The following NCOA6 variants were observed in gnomAD, a reference collection of about 807,000 sequenced individuals.
NCOA6 encodes the protein NRC RAP250.
In NCOA6, 49 loss-of-function variants were observed where a neutral mutation model predicts 171.4. The observed-to-expected ratio is 0.29, with a 90% CI of 0.23 to 0.36. The LOEUF is 0.36. Ranked by LOEUF, NCOA6 falls within the 10% of genes least tolerant of loss-of-function variation. NCOA6 has a pLI of 1.00. For synonymous variants in NCOA6, 910 were observed against 927.5 expected, an observed-to-expected ratio of 0.98 and a Z score of 0.34; for missense variants, 2,248 against 2,554.5, an observed-to-expected ratio of 0.88 and a Z score of 2.59.
intron 2 of NCOA6, 123 bp from the exon 3 acceptor site, chr20:34,782,527 TAC>T (rs2077541059): frequency 1.1e-5 from 3 of 274,796 alleles, no homozygotes; most frequent in African/African-American, 2.2e-5. Flanking sequence ...ATTAAGAAAT[TAC>T]AGAGAAGATA....
At chr20:34,802,699 G>A (rs530941170) in intron 1 of NCOA6, among the ~76,000 whole-genome samples, 71 of 152,240 alleles carry the variant, frequency 4.7e-4, no homozygotes, top group African/African-American at 1.6e-3. Context: ...TGAACTGTTC[G>A]AAACAACTAA....
intron 5 of NCOA6, among the ~76,000 whole-genome samples, chr20:34,764,166 C>A (rs2076904388): frequency 6.6e-6 from 1 of 151,716 alleles, no homozygotes; most frequent in East Asian, 2.0e-4. Context: ...CGGCTCACTG[C>A]AAGCTCCGCC....
chr20:34,782,075 A>G (rs2077529222), intron 3 of NCOA6, 46 bp downstream of exon 3: 4 of 1,353,328 alleles, frequency 3.0e-6, no homozygotes, highest in Non-Finnish European at 4.1e-6. Flanking sequence ...AAGGGCAAAC[A>G]TTTCAAAAAC....
chr20:34,743,323 A>T lies in NCOA6; in HGVS notation c.2933T>A (p.Val978Asp), dbSNP rs1305846790. 6.2e-7 allele frequency: 1 copy of T among 1,607,228 alleles called. No homozygotes were observed. The highest frequency in any genetic ancestry group is 2.2e-5 in the East Asian group (1 of 44,700). The stretch of plus-strand genomic sequence containing the variant: ...CATCTGCTGAAGTGGCCTCTGTTCA[A>T]CTGGTTGAGAAGGATAACCTAAAAC... ...NRPPGYPSQPVEQRPLQQMPP... is the reference protein window; with the variant it reads ...NRPPGYPSQPDEQRPLQQMPP... Residue 978 changes from valine (V) to aspartate (D), a missense_variant, in exon 11 of 15, where the codon GTT becomes GAT. Val to Asp is a radical substitution (Grantham distance 152). Around this residue, in one of 7 missense-constraint regions of NCOA6, gnomAD observed 352 missense variants for 419.1 expected, o/e 0.84. Transcript: ENST00000359003.
chr20:34,783,959 CTTTA>C (rs11469032), intron 2 of NCOA6, among the ~76,000 whole-genome samples: 73,389 of 151,278 alleles, frequency 0.49, 18,158 homozygotes, highest in East Asian at 0.63. Context: ...CATGTCCAGC[CTTTA>C]TTTATGGCAC....
intron 13 of NCOA6, among the ~76,000 whole-genome samples, chr20:34,728,992 C>T (rs1188315885): frequency 6.6e-6 from 1 of 152,122 alleles, no homozygotes; most frequent in Non-Finnish European, 1.5e-5. Flanking sequence ...GCTCTGTGCC[C>T]CAGGCTGGAG....
At position 34,740,396 on chromosome 20, in the gene NCOA6, CCTT is replaced by C. The variant is rs1265514220; in HGVS notation, c.5857_5859del (p.Lys1953del). On this transcript the variant is annotated inframe_deletion, in exon 11 of 15. Coordinates refer to ENST00000359003, the MANE Select transcript of NCOA6 (RefSeq NM_014071.5). ...GGTAGAAGTTCTGGATGGGATCCCA[CCTT>C]CTCCTCCACTAGGCCACCCGCAAGT... 3 of 1,614,156 alleles carry C rather than the reference CCTT, an allele frequency of 1.9e-6. No homozygotes were observed. The highest frequency in any genetic ancestry group is 2.2e-5 in the South Asian group (2 of 91,084).
At chr20:34,760,382 C>T (rs961269053) in intron 5 of NCOA6, among the ~76,000 whole-genome samples, 4 of 152,302 alleles carry the variant, frequency 2.6e-5, no homozygotes, top group African/African-American at 9.6e-5. Flanking sequence ...CCAAAGCACA[C>T]TTTTAGGAAT....
chr20:34,779,732 TAGAGG>T (rs1005449184), intron 3 of NCOA6, among the ~76,000 whole-genome samples: 3 of 152,042 alleles, frequency 2.0e-5, no homozygotes, highest in African/African-American at 7.2e-5. Context: ...TATCTAAGGA[TAGAGG>T]AAAGTGCCTA....
intron 4 of NCOA6, among the ~76,000 whole-genome samples, chr20:34,772,313 CAAAAA>C (rs200276752): frequency 1.1e-5 from 1 of 93,970 alleles, no homozygotes; most frequent in East Asian, 3.1e-4. Flanking sequence ...GACTTTGTCT[CAAAAA>C]AAAAAAAAAA....
At chr20:34,802,983 G>C (rs771883934) in intron 1 of NCOA6, among the ~76,000 whole-genome samples, 1 of 151,516 alleles carries the variant, frequency 6.6e-6, no homozygotes, top group Non-Finnish European at 1.5e-5. Context: ...GCTAATTTTC[G>C]TATTTTTTGT....
In NCOA6 at chr20:34,754,855, G is replaced by GC; in HGVS notation, c.1541dup (p.Leu515ProfsTer182). 6.2e-7 allele frequency: 1 copy of GC among 1,614,068 alleles called. No individual in the cohort carries two copies. Among genetic ancestry groups the GC allele is most frequent in the Non-Finnish European group, 8.5e-7 (1 of 1,180,012 alleles). On this transcript the variant is annotated frameshift_variant, in exon 8 of 15. Transcript: ENST00000359003. LOFTEE classifies it high-confidence loss of function. ...GTCCTGCTGAGAAGCCAGGTGGGAG[G>GC]CGTTTAGGCATTCCTTAATAGAAAA...
At chr20:34,740,055 G>T (rs548546728) in intron 11 of NCOA6, among the ~76,000 whole-genome samples, 1 of 152,230 alleles carries the variant, frequency 6.6e-6, no homozygotes, top group South Asian at 2.1e-4. Flanking sequence ...TACAGATGCA[G>T]TTTCACCATG....
chr20:34,766,032 C>T (rs954953039), intron 5 of NCOA6, among the ~76,000 whole-genome samples: 18 of 152,182 alleles, frequency 1.2e-4, no homozygotes, highest in African/African-American at 4.3e-4. Flanking sequence ...TTTAAGGTCT[C>T]TTTCCCTAGA....
chr20:34,807,005 A>C (rs1186092743), intron 1 of NCOA6, among the ~76,000 whole-genome samples: 1 of 152,158 alleles, frequency 6.6e-6, no homozygotes, highest in Non-Finnish European at 1.5e-5. Flanking sequence ...GCCTTTGTGT[A>C]ATCTCTTCCT....
At chr20:34,725,564 G>A (rs561352904) in intron 14 of NCOA6, among the ~76,000 whole-genome samples, 10 of 152,364 alleles carry the variant, frequency 6.6e-5, no homozygotes, top group African/African-American at 2.4e-4. Context: ...AGCTTGTGGG[G>A]TAGGTTGAAG....
chr20:34,754,479 A>G (rs1270799894), intron 8 of NCOA6, among the ~76,000 whole-genome samples: 1 of 152,222 alleles, frequency 6.6e-6, no homozygotes, highest in Non-Finnish European at 1.5e-5. Flanking sequence ...GAGAAAAAAA[A>G]TACTGCTGAT....
chr20:34,764,119 G>T, intron 5 of NCOA6, among the ~76,000 whole-genome samples: 1 of 135,002 alleles, frequency 7.4e-6, no homozygotes, highest in African/African-American at 2.8e-5. Flanking sequence ...AGGGAGTCTT[G>T]CTATGTCACC....
At chr20:34,804,758 G>C (rs1165826018) in intron 1 of NCOA6, among the ~76,000 whole-genome samples, 1 of 151,852 alleles carries the variant, frequency 6.6e-6, no homozygotes, top group Non-Finnish European at 1.5e-5. Context: ...ATAATATTTT[G>C]ATACATGTAT....
Sources: gnomAD v4.1 joint callset for allele counts (sites outside exome capture counted in the v4.1 genomes callset) on GRCh38, gnomAD v4.1.1 for gene constraint, gnomAD v4.1.1 regional missense constraint, MANE v1.5 for transcripts, NCBI Gene and HGNC (gene_info 2026-07-23, HGNC 2026-07-21) for gene names.